Variants in BMPR2 observed in about 807,000 individuals in gnomAD.
BMPR2 encodes bone morphogenetic protein receptor type-2.
A neutral mutation model predicts 100.8 loss-of-function variants in BMPR2; 29 were observed. That is an observed-to-expected ratio of 0.29 (90% CI 0.21 to 0.39). The LOEUF is 0.39. Among genes scored for constraint, BMPR2 ranks in the 10% least tolerant of loss-of-function variants. The pLI is 1.00. For synonymous variants in BMPR2, 382 were observed against 442.3 expected, an observed-to-expected ratio of 0.86 and a Z score of 1.71; for missense variants, 1,011 against 1,274.5, an observed-to-expected ratio of 0.79 and a Z score of 3.15.
rs79906828 is a variant in BMPR2, at chr2:202,382,064, T to G, written c.76+4514T>G. ...GATATCAGTTTTTGTTTTTGTTTTT[T>G]TTTTTTTTTTTTTGAGATGGAGTCT... On this transcript the variant is annotated intron_variant, in intron 1 of 12. Coordinates refer to ENST00000374580, the MANE Select transcript of BMPR2 (RefSeq NM_001204.7). Among the ~76,000 whole-genome samples the G allele has an allele frequency of 6.0e-3, 827 of 138,614 alleles. 2 individuals are homozygous for G. Among genetic ancestry groups the G allele is most frequent in the South Asian group, 8.7e-3 (40 of 4,602 alleles). The allele number at this position is 138,614 out of a possible 152,430, so 90.9% of individuals were successfully genotyped here.
chr2:202,506,758 G>A (rs994306171), intron 3 of BMPR2, among the ~76,000 whole-genome samples: 1 of 152,052 alleles, frequency 6.6e-6, no homozygotes, highest in African/African-American at 2.4e-5. Context: ...AAATTAGTTG[G>A]GCGTGGTGGC....
chr2:202,520,513 C>T, intron 7 of BMPR2: 1 of 366,946 alleles, frequency 2.7e-6, no homozygotes, highest in Non-Finnish European at 5.1e-6. Flanking sequence ...ACATTTCTGG[C>T]AGTTTCTACA....
Position 202,532,748 on chromosome 2 carries a change from A to T in BMPR2, c.1276+16A>T, listed in dbSNP as rs753682147. On this transcript the variant is annotated intron_variant, in intron 9 of 12. Transcript: ENST00000374580. This position sits in a 1 kb window ranked among gnomAD's most constrained non-coding sequence, Gnocchi z 4.1. ...CTCTTCCCAGGTAAAAACTACTGTC[A>T]AAAGTTGATATTTTTTGAAGTGAAG... is the stretch of plus-strand genomic sequence containing the variant. The T allele has an allele frequency of 3.7e-6, 6 of 1,609,202 alleles. No homozygotes were observed. The South Asian group carries it at 6.6e-5, about 18-fold the overall frequency.
intron 1 of BMPR2, among the ~76,000 whole-genome samples, chr2:202,381,902 A>C (rs1208323808): frequency 2.0e-5 from 3 of 152,070 alleles, no homozygotes; most frequent in African/African-American, 4.8e-5. Flanking sequence ...CAAAAAGAGA[A>C]GAAATTGAAT....
intron 3 of BMPR2, among the ~76,000 whole-genome samples, chr2:202,477,582 G>A (rs1692575274): frequency 6.6e-6 from 1 of 152,150 alleles, no homozygotes; most frequent in Non-Finnish European, 1.5e-5. Context: ...AAGGTCAGGA[G>A]TTTGAGACCA....
At chr2:202,485,672 G>C (rs1019651964) in intron 3 of BMPR2, among the ~76,000 whole-genome samples, 3 of 148,234 alleles carry the variant, frequency 2.0e-5, no homozygotes, top group Admixed American at 7.0e-5. Flanking sequence ...TCAGCCTCCT[G>C]AGTAGCTGGG....
intron 3 of BMPR2, among the ~76,000 whole-genome samples, chr2:202,509,233 T>G (rs1687581406): frequency 6.6e-6 from 1 of 152,088 alleles, no homozygotes; most frequent in Admixed American, 6.6e-5. Context: ...AAAAATTAAG[T>G]ACCATGTATA....
At chr2:202,456,160 T>G (rs1692097220) in intron 1 of BMPR2, among the ~76,000 whole-genome samples, 1 of 151,230 alleles carries the variant, frequency 6.6e-6, no homozygotes, top group South Asian at 2.1e-4. Context: ...CACTATGTTT[T>G]TTTGTTTGTT....
At chr2:202,386,704 A>G (rs984880424) in intron 1 of BMPR2, among the ~76,000 whole-genome samples, 2 of 150,660 alleles carry the variant, frequency 1.3e-5, no homozygotes, top group Admixed American at 6.6e-5. Flanking sequence ...TTTGCCAGAC[A>G]GAGTCTTGCT....
At position 202,503,028 on chromosome 2, in the gene BMPR2, T is replaced by A. The variant is rs775658167; in HGVS notation, c.419-10691T>A. On this transcript the variant is annotated intron_variant, in intron 3 of 12. Transcript: ENST00000374580. The surrounding 1 kb of genome is among the most constrained non-coding windows in gnomAD (Gnocchi z 4.0). ...CCCCAAATGAGTTCAACTAACAACT[T>A]CTACTGAGGACTCCTGGACCGACCC... 1.3e-5 allele frequency among the ~76,000 whole-genome samples: 2 copies of A among 152,212 alleles called. No homozygotes were observed. The highest frequency in any genetic ancestry group is 2.4e-5 in the African/African-American group (1 of 41,456).
At chr2:202,489,850 A>G (rs1692864853) in intron 3 of BMPR2, among the ~76,000 whole-genome samples, 1 of 152,230 alleles carries the variant, frequency 6.6e-6, no homozygotes, top group Non-Finnish European at 1.5e-5. Context: ...TAGTAGGCAT[A>G]CTAATATATC....
chr2:202,562,766 T>G lies in BMPR2; in HGVS notation c.*2820T>G, dbSNP rs1457764046. 6.6e-6 allele frequency: 1 copy of G among 152,120 alleles called. No individual in the cohort carries two copies. The highest frequency in any genetic ancestry group is 1.5e-5 in the Non-Finnish European group (1 of 68,008). 9.4% of individuals were successfully genotyped at this position (152,120 alleles called of 1,614,324 possible). A position where few individuals can be genotyped will look rare whatever the true frequency, so the allele number is the denominator to read the frequency against. On this transcript the variant is annotated 3_prime_UTR_variant, in exon 13 of 13. Transcript: ENST00000374580. Reference sequence around the variant, plus strand: ...CCAGAATTAGGTCACTGAAAGAACTTGATTTGAATTACGTTTAGACAAAAA... The same window carrying G: ...CCAGAATTAGGTCACTGAAAGAACTGGATTTGAATTACGTTTAGACAAAAA...
At chr2:202,393,781 G>A (rs781771674) in intron 1 of BMPR2, among the ~76,000 whole-genome samples, 34 of 151,988 alleles carry the variant, frequency 2.2e-4, no homozygotes, top group Non-Finnish European at 4.3e-4. Context: ...AGTTAGGTGA[G>A]CTGATTCTTG....
chr2:202,443,643 A>G (rs1691792796), intron 1 of BMPR2, among the ~76,000 whole-genome samples: 2 of 149,542 alleles, frequency 1.3e-5, no homozygotes, highest in Admixed American at 6.6e-5. Flanking sequence ...GGCTGACTAC[A>G]ACCTCCACCT....
At chr2:202,424,903 T>C (rs1168036113) in intron 1 of BMPR2, among the ~76,000 whole-genome samples, 4 of 152,150 alleles carry the variant, frequency 2.6e-5, no homozygotes, top group Non-Finnish European at 4.4e-5. Flanking sequence ...AAAATAACTT[T>C]TAAGATAAAT....
intron 1 of BMPR2, among the ~76,000 whole-genome samples, chr2:202,393,940 G>T (rs757180511): frequency 2.6e-5 from 3 of 114,318 alleles, no homozygotes; most frequent in Non-Finnish European, 5.6e-5. Context: ...AGAGATTCCT[G>T]TGAGATTCAG....
intron 1 of BMPR2, among the ~76,000 whole-genome samples, chr2:202,414,693 T>A (rs1359409809): frequency 6.6e-6 from 1 of 152,188 alleles, no homozygotes; most frequent in Admixed American, 6.5e-5. Context: ...AACTACAACA[T>A]TCCCTTAGGT....
intron 1 of BMPR2, among the ~76,000 whole-genome samples, chr2:202,460,153 T>G (rs903440242): frequency 2.6e-5 from 4 of 152,180 alleles, no homozygotes; most frequent in Non-Finnish European, 5.9e-5. Context: ...ACTTATACAC[T>G]GTTGGTGGGA....
chr2:202,543,243 TATATATTTATATAC>T (rs1471385046), intron 10 of BMPR2, among the ~76,000 whole-genome samples: 1 of 147,112 alleles, frequency 6.8e-6, no homozygotes, highest in Non-Finnish European at 1.5e-5. Flanking sequence ...TTTATATACA[TATATATTTATATAC>T]ATATATTTAT....
Sources: gnomAD v4.1 joint callset for allele counts (sites outside exome capture counted in the v4.1 genomes callset) on GRCh38, gnomAD v4.1.1 for gene constraint, Gnocchi (gnomAD v3.1) non-coding constraint, MANE v1.5 for transcripts, NCBI Gene and HGNC (gene_info 2026-07-23, HGNC 2026-07-21) for gene names.